Variants in AXDND1 observed in about 807,000 individuals in gnomAD.
AXDND1 encodes axonemal dynein light chain domain-containing protein 1.
In AXDND1, 110 loss-of-function variants were observed where a neutral mutation model predicts 137.5. The ratio of observed to expected loss-of-function variants is 0.80; its 90% CI spans 0.69 to 0.94. The LOEUF (loss-of-function observed/expected upper bound fraction) is 0.94, where lower values mean the gene tolerates loss of function less well. AXDND1 is among the 40% of genes least tolerant of loss of function. AXDND1 has a pLI of 0.00. For synonymous variants in AXDND1, 414 were observed against 399.7 expected, an observed-to-expected ratio of 1.04 and a Z score of -0.43; for missense variants, 1,191 against 1,169.8, an observed-to-expected ratio of 1.02 and a Z score of -0.26.
intron 4 of AXDND1, 142 bp downstream of exon 4, chr1:179,370,220 A>G: frequency 4.4e-6 from 3 of 677,048 alleles, no homozygotes; most frequent in South Asian, 1.9e-5. Flanking sequence ...TCAGAATACA[A>G]TCCAGAAGGG....
intron 23 of AXDND1, among the ~76,000 whole-genome samples, chr1:179,529,806 A>G (rs907188951): frequency 2.0e-5 from 3 of 152,194 alleles, no homozygotes; most frequent in African/African-American, 7.2e-5. Context: ...TTGCAAGGCC[A>G]CTTTTGTTTC....
chr1:179,445,210 A>C lies in AXDND1; in HGVS notation c.1798+6A>C, dbSNP rs1484809354. The stretch of plus-strand genomic sequence containing the variant: ...AAGAATAAATGGGGACAATGGTAAG[A>C]AAATACTCATAATAATTAGATTTCT... On this transcript the variant is annotated splice_donor_region_variant and intron_variant, in intron 16 of 25. Coordinates refer to ENST00000367618, the MANE Select transcript of AXDND1 (RefSeq NM_144696.6). The C allele has an allele frequency of 6.8e-7, 1 of 1,473,312 alleles. No homozygotes were observed. Among genetic ancestry groups the C allele is most frequent in the African/African-American group, 1.4e-5 (1 of 70,728 alleles). The allele number at this position is 1,473,312 out of a possible 1,614,324, so 91.3% of individuals were successfully genotyped here. A position where few individuals can be genotyped will look rare whatever the true frequency, so the allele number is the denominator to read the frequency against.
At position 179,370,036 on chromosome 1, in the gene AXDND1, A is replaced by C; in HGVS notation, c.332A>C (p.Lys111Thr). Residue 111 changes from lysine (K) to threonine (T), a missense_variant, in exon 4 of 26, where the codon AAA becomes ACA. Lys to Thr is a moderately conservative substitution (Grantham distance 78, BLOSUM62 -1). Coordinates refer to ENST00000367618, the MANE Select transcript of AXDND1 (RefSeq NM_144696.6). ...WHHPVRRNKFKYLIDHPVSLT... is the reference protein window; with the variant it reads ...WHHPVRRNKFTYLIDHPVSLT... ...CACCCTGTTCGAAGGAATAAATTCA[A>C]ATACCTGATTGACCATCCCGTCTCC... 2 of 1,614,054 alleles carry C rather than the reference A, an allele frequency of 1.2e-6. No individual in the cohort carries two copies. The highest frequency in any genetic ancestry group is 1.7e-6 in the Non-Finnish European group (2 of 1,179,962).
At chr1:179,433,331 T>C (rs1217181205) in intron 15 of AXDND1, among the ~76,000 whole-genome samples, 2 of 152,190 alleles carry the variant, frequency 1.3e-5, no homozygotes, top group African/African-American at 2.4e-5. Flanking sequence ...GATTCATTGA[T>C]TCTTTGAAGG....
At chr1:179,496,951 A>C (rs1280228440) in intron 20 of AXDND1, among the ~76,000 whole-genome samples, 1 of 152,040 alleles carries the variant, frequency 6.6e-6, no homozygotes, top group Non-Finnish European at 1.5e-5. Flanking sequence ...TTCTTCGTTC[A>C]TCCATGGGTT....
At chr1:179,420,660 TCCCCC>T in intron 12 of AXDND1, among the ~76,000 whole-genome samples, 1 of 151,916 alleles carries the variant, frequency 6.6e-6, no homozygotes. Context: ...TTTTCCATTT[TCCCCC>T]TGGCTGGAGT....
intron 14 of AXDND1, 96 bp from the exon 15 acceptor site, chr1:179,432,171 G>T: frequency 7.1e-7 from 1 of 1,403,814 alleles, no homozygotes; most frequent in South Asian, 1.4e-5. Context: ...TTATTGAGGA[G>T]AAATATGTTA....
At chr1:179,449,111 T>G (rs543755472) in intron 16 of AXDND1, 59 of 452,556 alleles carry the variant, frequency 1.3e-4, no homozygotes, top group African/African-American at 1.1e-3. Flanking sequence ...GTCTCAAACT[T>G]CTGGGTTCAA....
intron 12 of AXDND1, among the ~76,000 whole-genome samples, chr1:179,415,970 T>TAGAA (rs1654639050): frequency 1.3e-5 from 2 of 152,242 alleles, no homozygotes; most frequent in African/African-American, 4.8e-5. Context: ...TCTAGCTATT[T>TAGAA]TAGAATGTGC....
chr1:179,531,840 T>C (rs1252223874), intron 23 of AXDND1, among the ~76,000 whole-genome samples: 2 of 152,106 alleles, frequency 1.3e-5, no homozygotes, highest in African/African-American at 4.8e-5. Flanking sequence ...GGAGACTAAC[T>C]GGAAGCTACA....
intron 9 of AXDND1, among the ~76,000 whole-genome samples, chr1:179,386,801 T>C (rs969018031): frequency 6.6e-6 from 1 of 152,092 alleles, no homozygotes; most frequent in Non-Finnish European, 1.5e-5. Flanking sequence ...CTTGGCTCAT[T>C]GCAGCCTTGA....
At chr1:179,489,866 C>T (rs1033703062) in intron 18 of AXDND1, among the ~76,000 whole-genome samples, 1 of 151,794 alleles carries the variant, frequency 6.6e-6, no homozygotes, top group African/African-American at 2.4e-5. Context: ...CTGCCTCAGC[C>T]TCCGAGTAGC....
intron 11 of AXDND1, 57 bp from the exon 12 acceptor site, chr1:179,411,089 A>G (rs930480124): frequency 2.6e-5 from 35 of 1,336,710 alleles, no homozygotes; most frequent in Non-Finnish European, 3.4e-5. Context: ...TAAAAAATAT[A>G]TGTGTCTATA....
At chr1:179,551,009 A>G in intron 25 of AXDND1, 2 of 792,236 alleles carry the variant, frequency 2.5e-6, no homozygotes, top group East Asian at 2.7e-5. Context: ...TCATTACATC[A>G]TTTCACCGTC....
At chr1:179,440,378 A>T (rs1571845622) in intron 15 of AXDND1, among the ~76,000 whole-genome samples, 1 of 152,278 alleles carries the variant, frequency 6.6e-6, no homozygotes, top group East Asian at 1.9e-4. Context: ...AGCATGCAGC[A>T]TATGAGAATA....
At chr1:179,522,513 TAGG>T (rs1402673654) in intron 21 of AXDND1, among the ~76,000 whole-genome samples, 1 of 152,076 alleles carries the variant, frequency 6.6e-6, no homozygotes, top group Non-Finnish European at 1.5e-5. Context: ...TGTTGATCAG[TAGG>T]AGATTAGTTA....
intron 21 of AXDND1, among the ~76,000 whole-genome samples, chr1:179,518,582 CT>C (rs1447542980): frequency 6.6e-6 from 1 of 152,074 alleles, no homozygotes; most frequent in Non-Finnish European, 1.5e-5. Context: ...TATTGTTCCC[CT>C]TTGTGTGTCC....
intron 16 of AXDND1, chr1:179,449,984 C>A (rs1312098209): frequency 3.3e-5 from 3 of 92,008 alleles, no homozygotes; most frequent in Non-Finnish European, 4.3e-5. Context: ...TCTTGCCAAT[C>A]TGGATTTTTT....
intron 12 of AXDND1, among the ~76,000 whole-genome samples, chr1:179,418,965 T>C (rs1476863686): frequency 1.3e-5 from 2 of 150,078 alleles, no homozygotes. Context: ...GAGGCGCTCC[T>C]CACATCCCAG....
Sources: allele counts gnomAD v4.1 joint callset (sites outside exome capture counted in the v4.1 genomes callset), GRCh38; gene constraint gnomAD v4.1.1; transcripts MANE v1.5; gene names NCBI Gene and HGNC (gene_info 2026-07-23, HGNC 2026-07-21).